WDR3: variants seen among roughly 807,000 people sequenced by gnomAD.
The protein encoded by WDR3 is WD repeat-containing protein 3.
In WDR3, 81 loss-of-function variants were observed where a neutral mutation model predicts 123.7. The observed-to-expected ratio is 0.65, with a 90% CI of 0.55 to 0.79. The LOEUF is 0.79. WDR3 is among the 30% of genes least tolerant of loss of function. The pLI, the probability that WDR3 is intolerant of heterozygous loss-of-function variation, is 0.00. For synonymous variants in WDR3, 390 were observed against 388.8 expected, an observed-to-expected ratio of 1.00 and a Z score of -0.04; for missense variants, 1,027 against 1,123.2, an observed-to-expected ratio of 0.91 and a Z score of 1.22.
In WDR3 at chr1:117,934,654, T is replaced by C. The variant is rs1650854198; in HGVS notation, c.353T>C (p.Leu118Pro). The C allele has an allele frequency of 1.2e-6, 2 of 1,613,612 alleles. No homozygotes were observed. The highest frequency in any genetic ancestry group is 1.7e-6 in the Non-Finnish European group (2 of 1,179,958). The change falls in exon 3 of 27, where the codon CTA (leucine) becomes CCA (proline). Residue 118 changes from leucine (L) to proline (P), a missense_variant. Leu to Pro is a moderately conservative substitution (Grantham distance 98). Transcript: ENST00000349139. The part of the protein sequence containing the change: ...AAITTLKYDQ[L>P]GGRLASGSKD... ...ATCACTACCTTGAAGTATGATCAGC[T>C]AGGAGGCAGACTGGCATCTGGGTCC...
intron 16 of WDR3, 58 bp downstream of exon 16, chr1:117,950,948 C>G (rs948646904): frequency 3.6e-6 from 5 of 1,403,670 alleles, no homozygotes; most frequent in Non-Finnish European, 4.9e-6. Context: ...CAGATACTTT[C>G]TTAATTCTGG....
chr1:117,946,767 C>G lies in WDR3; in HGVS notation c.1422+588C>G, dbSNP rs572653768. On this transcript the variant is annotated intron_variant, in intron 12 of 26. Transcript: ENST00000349139. ...CCATCCTGGCTAACACGGTGAAACC[C>G]TGTCTCTACTAAAAATACAAAAAAT... Among the ~76,000 whole-genome samples the G allele has an allele frequency of 9.9e-5, 15 of 152,042 alleles. 1 individual carries two copies. The highest frequency in any genetic ancestry group is 3.6e-4 in the African/African-American group (15 of 41,452).
At position 117,955,359 on chromosome 1, in the gene WDR3, G is replaced by A; in HGVS notation, c.2453+1G>A. On this transcript the variant is annotated splice_donor_variant, in intron 24 of 26. Coordinates refer to ENST00000349139, the MANE Select transcript of WDR3 (RefSeq NM_006784.3). LOFTEE classifies it high-confidence loss of function. ...AGATTTTTAAAGGGATCAAGTCGAG[G>A]TGAGTGAGTCCTTGCGCACAATTTT... is the stretch of plus-strand genomic sequence containing the variant. 1.9e-6 allele frequency: 3 copies of A among 1,612,164 alleles called. No homozygotes were observed. Among genetic ancestry groups the A allele is most frequent in the Non-Finnish European group, 2.5e-6 (3 of 1,178,802 alleles).
At position 117,958,997 on chromosome 1, in the gene WDR3, A is replaced by G; in HGVS notation, c.2670A>G (p.Gln890=). The G allele has an allele frequency of 6.2e-7, 1 of 1,613,890 alleles. No homozygotes were observed. The highest frequency in any genetic ancestry group is 1.1e-5 in the South Asian group (1 of 91,064). ...AAACAACTATTTCAAAAGTCAGCCA[A>G]GTCCGGGTAAGTGTCTTTGTATAGA... ...LRETTISKVS[Q]VRDVIGFNMA... Residue 890 remains glutamine, a synonymous_variant, in exon 26 of 27, where the codon CAA becomes CAG. Coordinates refer to ENST00000349139, the MANE Select transcript of WDR3 (RefSeq NM_006784.3).
In WDR3 at chr1:117,949,834, G is replaced by A. The variant is rs1651540443; in HGVS notation, c.1608G>A (p.Lys536=). The A allele has an allele frequency of 6.2e-7, 1 of 1,613,724 alleles. No homozygotes were observed. Among genetic ancestry groups the A allele is most frequent in the East Asian group, 2.2e-5 (1 of 44,866 alleles). The part of the protein sequence containing the change: ...ELVKDENSTQ[K]RLSVKQTRTL... ...TGAAAGATGAAAATAGTACCCAAAA[G>A]AGGTGAGTAGACATTTTTTGTGTCC... Residue 536 remains lysine, a splice_region_variant and synonymous_variant, in exon 14 of 27, where the codon AAG becomes AAA. Transcript: ENST00000349139.
chr1:117,941,916 C>A (rs534413697), intron 9 of WDR3, 69 bp downstream of exon 9: 1,254 of 1,482,786 alleles, frequency 8.5e-4, no homozygotes, highest in Non-Finnish European at 1.1e-3. Context: ...TGAAAAAAAA[C>A]TGGCTTCTTT....
Position 117,950,818 on chromosome 1 carries a change from T to G in WDR3, c.1747-16T>G, listed in dbSNP as rs1651582216. 3.1e-6 allele frequency: 5 copies of G among 1,596,788 alleles called. No homozygotes were observed. In the East Asian group the frequency reaches 6.8e-5, roughly 22 times the overall value. On this transcript the variant is annotated splice_polypyrimidine_tract_variant and intron_variant, in intron 15 of 26. Transcript: ENST00000349139. Reference sequence around the variant, plus strand: ...ATTTTATAGACAGACATTAATTATGTTTTTTTGATGTTTAGTTTTTTCTGT... The same window carrying G: ...ATTTTATAGACAGACATTAATTATGGTTTTTTGATGTTTAGTTTTTTCTGT...
intron 3 of WDR3, among the ~76,000 whole-genome samples, chr1:117,935,176 C>A (rs1650868128): frequency 6.6e-6 from 1 of 152,062 alleles, no homozygotes; most frequent in Admixed American, 6.5e-5. Context: ...AATCCATGTT[C>A]TTGAATGGGA....
Position 117,963,696 on chromosome 1 carries a change from G to A in WDR3, c.*4249G>A. 1 of 1,070,672 alleles carries A rather than the reference G, an allele frequency of 9.3e-7. No individual in the cohort carries two copies. The highest frequency in any genetic ancestry group is 1.3e-6 in the Non-Finnish European group (1 of 753,010). 66.3% of individuals were successfully genotyped at this position (1,070,672 alleles called of 1,614,324 possible). ...ATATTTTCATTCATTCAGGCCAGGT[G>A]GCTTATAGGTTTCTGACTATAAGAA... On this transcript the variant is annotated 3_prime_UTR_variant, in exon 27 of 27. Coordinates refer to ENST00000349139, the MANE Select transcript of WDR3 (RefSeq NM_006784.3).
At chr1:117,945,571 C>A (rs1651352491) in intron 11 of WDR3, among the ~76,000 whole-genome samples, 1 of 152,154 alleles carries the variant, frequency 6.6e-6, no homozygotes, top group Non-Finnish European at 1.5e-5. Flanking sequence ...TTATTATTCC[C>A]AAAGAATGTT....
At chr1:117,952,762 C>T in intron 19 of WDR3, 100 bp downstream of exon 19, 1 of 1,493,398 alleles carries the variant, frequency 6.7e-7, no homozygotes, top group Non-Finnish European at 9.1e-7. Flanking sequence ...GATGCATTGC[C>T]AAGTCCAAGA....
chr1:117,943,558 T>A lies in WDR3; in HGVS notation c.1260T>A (p.Thr420=). 1.2e-6 allele frequency: 2 copies of A among 1,614,152 alleles called. No individual in the cohort carries two copies. The highest frequency in any genetic ancestry group is 1.7e-6 in the Non-Finnish European group (2 of 1,180,026). Residue 420 remains threonine, a synonymous_variant, in exon 11 of 27, where the codon ACT becomes ACA. Coordinates refer to ENST00000349139, the MANE Select transcript of WDR3 (RefSeq NM_006784.3). ...GGGGTCATCGCAGTGATGTGCGGAC[T>A]TTGTCATTCAGCTCAGACAATATTG... is the stretch of plus-strand genomic sequence containing the variant. ...TIGGHRSDVR[T]LSFSSDNIAV...
At chr1:117,957,351 T>A (rs1021341565) in intron 25 of WDR3, among the ~76,000 whole-genome samples, 155 bp downstream of exon 25, 2 of 152,176 alleles carry the variant, frequency 1.3e-5, no homozygotes, top group African/African-American at 4.8e-5. Flanking sequence ...CTGAGGTGGG[T>A]GGATTGCTTG....
rs752366559 is a variant in WDR3, at chr1:117,943,718, G to C, written c.1328+92G>C. ...TAAGGGTTAGTTATTAACTCCTTAA[G>C]GCCCTAAATACAATTATCTTTAGTG... is the stretch of plus-strand genomic sequence containing the variant. On this transcript the variant is annotated intron_variant, in intron 11 of 26. Coordinates refer to ENST00000349139, the MANE Select transcript of WDR3 (RefSeq NM_006784.3). The C allele has an allele frequency of 4.6e-6, 5 of 1,089,706 alleles. No homozygotes were observed. The East Asian group carries it at 1.3e-4, about 27-fold the overall frequency. The allele number at this position is 1,089,706 out of a possible 1,614,324, so 67.5% of individuals were successfully genotyped here.
chr1:117,960,147 T>TGC lies in WDR3; in HGVS notation c.*700_*701insGC, dbSNP rs61181793. 1.7e-5 allele frequency: 2 copies of TGC among 119,652 alleles called. No individual in the cohort carries two copies. The highest frequency in any genetic ancestry group is 5.9e-4 in the South Asian group (2 of 3,416). 7.4% of individuals were successfully genotyped at this position (119,652 alleles called of 1,614,324 possible). On this transcript the variant is annotated 3_prime_UTR_variant, in exon 27 of 27. Transcript: ENST00000349139. ...GTGTGTGTGTGTGTGTGTGTGTGTG[T>TGC]ATGTGTATGTGTATGTACACATACA...
At chr1:117,957,677 AT>A (rs1652416585) in intron 25 of WDR3, among the ~76,000 whole-genome samples, 1 of 152,216 alleles carries the variant, frequency 6.6e-6, no homozygotes, top group Non-Finnish European at 1.5e-5. Flanking sequence ...TTATTAAAAC[AT>A]TATGATTTTT....
Position 117,964,249 on chromosome 1 carries a change from T to TC in WDR3, c.*4802_*4803insC, listed in dbSNP as rs1653512015. Reference sequence around the variant, plus strand: ...TCAGATTTCATGCTTTTTTTTTTTTTTTTTGGTGGGGAGAGGGACAGATCA... The same window carrying TC: ...TCAGATTTCATGCTTTTTTTTTTTTTCTTTTGGTGGGGAGAGGGACAGATCA... On this transcript the variant is annotated 3_prime_UTR_variant, in exon 27 of 27. Coordinates refer to ENST00000349139, the MANE Select transcript of WDR3 (RefSeq NM_006784.3). The TC allele has an allele frequency of 5.1e-6, 1 of 196,118 alleles. No individual in the cohort carries two copies. The highest frequency in any genetic ancestry group is 2.3e-5 in the African/African-American group (1 of 43,168). 12.1% of individuals were successfully genotyped at this position (196,118 alleles called of 1,614,324 possible).
chr1:117,952,878 C>A lies in WDR3; in HGVS notation c.2152-68C>A, dbSNP rs1651683659. 1.9e-6 allele frequency: 3 copies of A among 1,572,242 alleles called. No individual in the cohort carries two copies. The East Asian group carries it at 6.8e-5, about 35-fold the overall frequency. On this transcript the variant is annotated intron_variant, in intron 19 of 26. Transcript: ENST00000349139. Reference sequence around the variant, plus strand: ...TTGTCAAAGGAGCAGCTTCTCGCTTCCTCATTTCTCTTCATATAGAGACCA... The same window carrying A: ...TTGTCAAAGGAGCAGCTTCTCGCTTACTCATTTCTCTTCATATAGAGACCA...
rs1323092651 is a variant in WDR3 at position 117,955,436 on chromosome 1, T to A, written c.2453+78T>A. On this transcript the variant is annotated intron_variant, in intron 24 of 26. Transcript: ENST00000349139. ...AGTGCTTATCTGAACGGGAAATAAA[T>A]AGAAATTATAATTGATGGTTATCTT... 23 of 1,323,126 alleles carry A rather than the reference T, an allele frequency of 1.7e-5. No individual in the cohort carries two copies. In the South Asian group the frequency reaches 2.3e-4, roughly 13 times the overall value. The allele number at this position is 1,323,126 out of a possible 1,614,324, so 82.0% of individuals were successfully genotyped here.
Sources: allele counts gnomAD v4.1 joint callset (sites outside exome capture counted in the v4.1 genomes callset), GRCh38; gene constraint gnomAD v4.1.1; transcripts MANE v1.5; gene names NCBI Gene and HGNC (gene_info 2026-07-23, HGNC 2026-07-21).